SMYD3: variants seen among roughly 807,000 people sequenced by gnomAD.
SMYD3 encodes the protein SET and MYND domain containing 3.
In SMYD3, 36 loss-of-function variants were observed where a neutral mutation model predicts 57.7. The ratio of observed to expected loss-of-function variants is 0.62; its 90% CI spans 0.48 to 0.82. SMYD3 has a LOEUF of 0.82. Among genes scored for constraint, SMYD3 ranks in the 40% least tolerant of loss-of-function variants. The pLI, the probability that SMYD3 is intolerant of heterozygous loss-of-function variation, is 0.00. For synonymous variants in SMYD3, 211 were observed against 195.0 expected (o/e 1.08, Z -0.68); for missense variants, 515 against 538.8 (o/e 0.96, Z 0.44).
intron 10 of SMYD3, among the ~76,000 whole-genome samples, chr1:245,803,885 C>T (rs953534779): frequency 5.3e-5 from 8 of 151,426 alleles, no homozygotes; most frequent in African/African-American, 1.7e-4. Flanking sequence ...GCCAGATATC[C>T]CTGGACTTTC....
intron 1 of SMYD3, among the ~76,000 whole-genome samples, chr1:246,378,750 A>AATTAT (rs2066327565): frequency 3.7e-5 from 3 of 81,668 alleles, no homozygotes; most frequent in Middle Eastern, 5.2e-3. Flanking sequence ...AATTATATAT[A>AATTAT]ATATATTTAA....
chr1:245,845,578 A>G (rs1243958911), intron 10 of SMYD3, among the ~76,000 whole-genome samples: 1 of 152,126 alleles, frequency 6.6e-6, no homozygotes, highest in Non-Finnish European at 1.5e-5. Flanking sequence ...CTAGAGATCC[A>G]TCTTTTCCTT....
At chr1:245,950,674 C>T (rs898150366) in intron 5 of SMYD3, among the ~76,000 whole-genome samples, 2 of 152,204 alleles carry the variant, frequency 1.3e-5, no homozygotes, top group African/African-American at 4.8e-5. Flanking sequence ...CCAAAATATG[C>T]CTCCGATATA....
intron 10 of SMYD3, among the ~76,000 whole-genome samples, chr1:245,807,019 A>C (rs1351408325): frequency 6.6e-6 from 1 of 150,744 alleles, no homozygotes. Context: ...GATTGAGGAC[A>C]GGGCTGAAGG....
chr1:246,208,160 A>C (rs1377484856), intron 5 of SMYD3, among the ~76,000 whole-genome samples: 1 of 152,160 alleles, frequency 6.6e-6, no homozygotes, highest in Non-Finnish European at 1.5e-5. Flanking sequence ...AAATCAAAGC[A>C]CAGCTGTCTC....
intron 5 of SMYD3, among the ~76,000 whole-genome samples, chr1:246,279,168 A>G (rs1367509601): frequency 1.3e-5 from 2 of 152,206 alleles, no homozygotes; most frequent in Non-Finnish European, 2.9e-5. Context: ...CTTGGCTCTA[A>G]GTGGCCCCAG....
chr1:246,125,085 A>C (rs1246255418), intron 5 of SMYD3, among the ~76,000 whole-genome samples: 29,153 of 109,078 alleles, frequency 0.27, 4,101 homozygotes, highest in East Asian at 0.42. Flanking sequence ...AAAAAAAAAA[A>C]AAACACACAC....
intron 5 of SMYD3, among the ~76,000 whole-genome samples, chr1:246,090,462 C>A (rs1292657233): frequency 5.9e-5 from 9 of 151,408 alleles, no homozygotes. Flanking sequence ...GGGTCTTCTC[C>A]ACTTGGAAGA....
intron 11 of SMYD3, among the ~76,000 whole-genome samples, chr1:245,761,142 G>T (rs928093284): frequency 6.6e-6 from 1 of 152,286 alleles, no homozygotes; most frequent in East Asian, 1.9e-4. Context: ...GAGACACACA[G>T]CAAGTTTGGG....
chr1:245,978,858 G>A (rs1347840765), intron 5 of SMYD3, among the ~76,000 whole-genome samples: 1 of 152,154 alleles, frequency 6.6e-6, no homozygotes, highest in Non-Finnish European at 1.5e-5. Context: ...GCTCAATACT[G>A]AGAAGTCCTT....
At chr1:245,803,272 G>T (rs2047962022) in intron 10 of SMYD3, among the ~76,000 whole-genome samples, 1 of 152,176 alleles carries the variant, frequency 6.6e-6, no homozygotes. Context: ...TCGTCACACT[G>T]GGGCACAGGA....
At chr1:245,855,986 G>A (rs191193770) in intron 10 of SMYD3, among the ~76,000 whole-genome samples, 2 of 152,350 alleles carry the variant, frequency 1.3e-5, no homozygotes, top group Admixed American at 1.3e-4. Context: ...GGCTAAAGGT[G>A]AGCAAAAGGC....
At chr1:246,121,914 T>C (rs1029437787) in intron 5 of SMYD3, among the ~76,000 whole-genome samples, 1 of 152,152 alleles carries the variant, frequency 6.6e-6, no homozygotes, top group Admixed American at 6.5e-5. Flanking sequence ...AATTAAACTT[T>C]CCATGTTCAG....
chr1:246,415,470 A>G (rs1187021457), intron 1 of SMYD3, among the ~76,000 whole-genome samples: 1 of 152,236 alleles, frequency 6.6e-6, no homozygotes, highest in East Asian at 1.9e-4. Flanking sequence ...TCCATGTACT[A>G]ACAAGGAAAT....
intron 5 of SMYD3, among the ~76,000 whole-genome samples, chr1:246,035,987 C>A (rs1416740637): frequency 1.3e-5 from 2 of 152,108 alleles, no homozygotes; most frequent in African/African-American, 4.8e-5. Context: ...TAAATCGAAC[C>A]AACAGATGGG....
At chr1:245,847,716 T>C (rs113784747) in intron 10 of SMYD3, among the ~76,000 whole-genome samples, 6 of 152,140 alleles carry the variant, frequency 3.9e-5, no homozygotes, top group African/African-American at 1.4e-4. Flanking sequence ...CCTAGGAATT[T>C]GGTATCCTGC....
At chr1:245,854,981 G>C (rs1558424689) in intron 10 of SMYD3, among the ~76,000 whole-genome samples, 1 of 152,186 alleles carries the variant, frequency 6.6e-6, no homozygotes, top group Non-Finnish European at 1.5e-5. Context: ...ATCTGGCTCT[G>C]GAATATATTC....
At chr1:245,760,866 C>T (rs1029474085) in intron 11 of SMYD3, among the ~76,000 whole-genome samples, 7 of 152,158 alleles carry the variant, frequency 4.6e-5, no homozygotes, top group Admixed American at 4.6e-4. Flanking sequence ...TGTAACAATA[C>T]CCATCTTTAA....
chr1:246,071,758 G>A lies in SMYD3; in HGVS notation c.532-141821C>T, dbSNP rs11579754. Among the ~76,000 whole-genome samples the A allele has an allele frequency of 2.6e-3, 376 of 144,302 alleles. 5 individuals are homozygous for A. The highest frequency in any genetic ancestry group is 9.8e-4 in the South Asian group (4 of 4,098). 94.7% of individuals were successfully genotyped at this position (144,302 alleles called of 152,430 possible). On this transcript the variant is annotated intron_variant, in intron 5 of 11. Coordinates refer to ENST00000490107, the MANE Select transcript of SMYD3 (RefSeq NM_001167740.2). ...CTGGGGAGGGATTCGAGTGCTTTCCGCTGTGCTCACTGTCGCTGCATCCTG... is the reference window on the plus strand; with the variant it reads ...CTGGGGAGGGATTCGAGTGCTTTCCACTGTGCTCACTGTCGCTGCATCCTG...
Sources: gnomAD v4.1 joint callset for allele counts (sites outside exome capture counted in the v4.1 genomes callset) on GRCh38, gnomAD v4.1.1 for gene constraint, MANE v1.5 for transcripts, NCBI Gene and HGNC (gene_info 2026-07-23, HGNC 2026-07-21) for gene names.